The following NUF2 variants were observed in gnomAD, a reference collection of about 807,000 sequenced individuals.
The protein encoded by NUF2 is kinetochore protein Nuf2.
Under a neutral mutation model 61.8 loss-of-function variants are expected in NUF2, and 34 were observed. The observed-to-expected ratio is 0.55, with a 90% CI of 0.42 to 0.73. NUF2 has a LOEUF of 0.73. Ranked by LOEUF, NUF2 falls within the 30% of genes least tolerant of loss-of-function variation. NUF2 has a pLI of 0.00. For synonymous variants in NUF2, 172 were observed against 181.6 expected (o/e 0.95, Z 0.42); for missense variants, 445 against 539.1 (o/e 0.83, Z 1.73).
chr1:163,348,357 A>T (rs998073318), intron 12 of NUF2, among the ~76,000 whole-genome samples: 5 of 152,200 alleles, frequency 3.3e-5, no homozygotes, highest in Admixed American at 2.6e-4. Flanking sequence ...TTTCCTAAGT[A>T]TGTAAGTATG....
chr1:163,322,450 C>A (rs988560021), intron 1 of NUF2, among the ~76,000 whole-genome samples: 1 of 152,160 alleles, frequency 6.6e-6, no homozygotes, highest in Non-Finnish European at 1.5e-5. Context: ...CGTTGCCAAA[C>A]GTTTCTTAAC....
At chr1:163,338,778 C>T (rs920533062) in intron 7 of NUF2, among the ~76,000 whole-genome samples, 1 of 151,986 alleles carries the variant, frequency 6.6e-6, no homozygotes, top group Non-Finnish European at 1.5e-5. Flanking sequence ...AAAGCCTTAC[C>T]AACTCTAATA....
chr1:163,348,976 G>T lies in NUF2; in HGVS notation c.1156G>T (p.Ala386Ser), dbSNP rs1571398934. 3 of 1,608,592 alleles carry T rather than the reference G, an allele frequency of 1.9e-6. No homozygotes were observed. Among genetic ancestry groups the T allele is most frequent in the Non-Finnish European group, 2.5e-6 (3 of 1,178,750 alleles). Residue 386 changes from alanine to serine, a missense_variant, in exon 13 of 14, where the codon GCT becomes TCT. Coordinates refer to ENST00000271452, the MANE Select transcript of NUF2 (RefSeq NM_145697.3). ...CAATAAAGTTCAAGAAAAAAGAGGTGCTGTCTATGAACGAGTAACCACAAT... is the reference window on the plus strand; with the variant it reads ...CAATAAAGTTCAAGAAAAAAGAGGTTCTGTCTATGAACGAGTAACCACAAT... The part of the protein sequence containing the change: ...DCNKVQEKRG[A>S]VYERVTTINQ...
chr1:163,324,997 A>G (rs1400308579), intron 1 of NUF2, among the ~76,000 whole-genome samples: 2 of 151,230 alleles, frequency 1.3e-5, no homozygotes, highest in South Asian at 2.1e-4. Context: ...CCCAGGCTCA[A>G]GTGATCCTCC....
chr1:163,342,067 GT>G (rs1430630529), intron 9 of NUF2, among the ~76,000 whole-genome samples: 1 of 152,064 alleles, frequency 6.6e-6, no homozygotes, highest in Non-Finnish European at 1.5e-5. Context: ...GGCCTTTATG[GT>G]TTTTGGCTTT....
chr1:163,340,921 AT>A (rs1291333330), intron 9 of NUF2, among the ~76,000 whole-genome samples: 6 of 152,182 alleles, frequency 3.9e-5, no homozygotes, highest in African/African-American at 7.2e-5. Context: ...AAATATATGT[AT>A]GTGTGTATCA....
intron 6 of NUF2, 109 bp downstream of exon 6, chr1:163,336,957 T>G (rs1157734650): frequency 3.0e-6 from 2 of 674,296 alleles, no homozygotes; most frequent in African/African-American, 3.6e-5. Context: ...CTGTATTGCC[T>G]TTAGAATTGA....
Position 163,352,996 on chromosome 1 carries a change from A to G in NUF2, c.1261-2339A>G, listed in dbSNP as rs1413490642. On this transcript the variant is annotated intron_variant, in intron 13 of 13. Transcript: ENST00000271452. ...TCTGTTCTCTCTCAAATACTATAGC[A>G]CTCTCAGTCTATTCCAAATAATCTG... Among the ~76,000 whole-genome samples the G allele has an allele frequency of 2.0e-5, 3 of 152,110 alleles. No individual in the cohort carries two copies. In the East Asian group the frequency reaches 5.8e-4, roughly 29 times the overall value.
At chr1:163,349,463 GAAC>G (rs1388243355) in intron 13 of NUF2, among the ~76,000 whole-genome samples, 2 of 151,968 alleles carry the variant, frequency 1.3e-5, no homozygotes, top group African/African-American at 2.4e-5. Flanking sequence ...TGTTCTACCA[GAAC>G]AATAGTTCAA....
chr1:163,336,557 C>CT (rs928429826), intron 5 of NUF2, among the ~76,000 whole-genome samples, 194 bp from the exon 6 acceptor site: 6 of 150,644 alleles, frequency 4.0e-5, no homozygotes, highest in Middle Eastern at 3.2e-3. Flanking sequence ...AGTGGTTTAC[C>CT]TTTTTTTTTA....
chr1:163,328,821 A>C, intron 4 of NUF2, 25 bp from the exon 5 acceptor site: 1 of 1,479,550 alleles, frequency 6.8e-7, no homozygotes, highest in Non-Finnish European at 9.4e-7. Context: ...ACTTTTCAAT[A>C]GTCTTTTTGT....
intron 4 of NUF2, 28 bp downstream of exon 4, chr1:163,328,332 C>A: frequency 7.5e-7 from 1 of 1,334,692 alleles, no homozygotes; most frequent in Non-Finnish European, 1.1e-6. Context: ...TTATTGTCTT[C>A]GTCTACATTC....
At chr1:163,351,274 C>G (rs80326783) in intron 13 of NUF2, among the ~76,000 whole-genome samples, 2 of 152,178 alleles carry the variant, frequency 1.3e-5, no homozygotes, top group African/African-American at 4.8e-5. Context: ...TTTTTAGCAG[C>G]AGCATCTTGC....
chr1:163,350,811 A>G (rs1037396984), intron 13 of NUF2, among the ~76,000 whole-genome samples: 3 of 152,188 alleles, frequency 2.0e-5, no homozygotes, highest in African/African-American at 4.8e-5. Flanking sequence ...GAGACCCACT[A>G]ATAGGCTTGG....
intron 5 of NUF2, 38 bp from the exon 6 acceptor site, chr1:163,336,713 T>A (rs1447304379): frequency 7.9e-7 from 1 of 1,269,592 alleles, no homozygotes; most frequent in Non-Finnish European, 1.2e-6. Flanking sequence ...TTATGTTAGT[T>A]CAAAGGTTTA....
chr1:163,326,295 T>C (rs1650415576), intron 2 of NUF2, 121 bp downstream of exon 2: 2 of 830,214 alleles, frequency 2.4e-6, no homozygotes, highest in East Asian at 2.6e-5. Context: ...GTCATTTTCA[T>C]TGAGAGAGAA....
chr1:163,327,098 T>TCTTTAAAACACACA (rs1553230626), intron 2 of NUF2, among the ~76,000 whole-genome samples: 207 of 33,364 alleles, frequency 6.2e-3, no homozygotes, highest in East Asian at 0.017. Flanking sequence ...TTTCCTGTGT[T>TCTTTAAAACACACA]CACACACACA....
intron 11 of NUF2, among the ~76,000 whole-genome samples, chr1:163,347,065 T>A (rs917725018): frequency 6.6e-5 from 10 of 152,328 alleles, no homozygotes; most frequent in African/African-American, 2.4e-4. Flanking sequence ...GGATTTTAAA[T>A]TTGTTCTACC....
chr1:163,336,700 A>C, intron 5 of NUF2, 51 bp from the exon 6 acceptor site: 1 of 1,126,942 alleles, frequency 8.9e-7, no homozygotes, highest in African/African-American at 1.5e-5. Flanking sequence ...TTTCATTTTC[A>C]TATTATGTTA....
Sources: allele counts gnomAD v4.1 joint callset (sites outside exome capture counted in the v4.1 genomes callset), GRCh38; gene constraint gnomAD v4.1.1; transcripts MANE v1.5; gene names NCBI Gene and HGNC (gene_info 2026-07-23, HGNC 2026-07-21).